Variants in FAM171A1 observed in about 807,000 individuals in gnomAD.
FAM171A1 encodes family with sequence similarity 171 member A1.
A neutral mutation model predicts 74.9 loss-of-function variants in FAM171A1; 23 were observed. The ratio of observed to expected loss-of-function variants is 0.31; its 90% confidence interval spans 0.22 to 0.44. FAM171A1 has a LOEUF of 0.44. Among genes scored for constraint, FAM171A1 ranks in the 20% least tolerant of loss-of-function variants. The pLI, the probability that FAM171A1 is intolerant of heterozygous loss-of-function variation, is 1.00. For synonymous variants in FAM171A1, 527 were observed against 505.7 expected, an observed-to-expected ratio of 1.04 and a Z score of -0.57; for missense variants, 1,162 against 1,159.2, an observed-to-expected ratio of 1.00 and a Z score of -0.03.
At chr10:15,373,643 T>C (rs969901332), upstream of FAM171A1, among the ~76,000 whole-genome samples, 6 of 152,172 alleles carry the variant, frequency 3.9e-5, no homozygotes, top group Non-Finnish European at 7.3e-5. Context: ...ATGTTACAAT[T>C]GGGGGAAGCT....
intron 1 of FAM171A1, among the ~76,000 whole-genome samples, chr10:15,313,191 G>A (rs985855179): frequency 6.6e-6 from 1 of 152,128 alleles, no homozygotes; most frequent in African/African-American, 2.4e-5. Context: ...GAAACACACT[G>A]GGAATTCCTA....
upstream of FAM171A1, among the ~76,000 whole-genome samples, chr10:15,371,480 G>C (rs1320274800): frequency 6.6e-6 from 1 of 151,700 alleles, no homozygotes; most frequent in African/African-American, 2.4e-5. Flanking sequence ...AGCCAGACCT[G>C]CCTTTCAGGG....
intron 5 of FAM171A1, among the ~76,000 whole-genome samples, chr10:15,221,307 C>A (rs1207369306): frequency 2.0e-5 from 3 of 152,174 alleles, no homozygotes; most frequent in African/African-American, 7.2e-5. Flanking sequence ...TACTTTCAGC[C>A]ACTTTATCAA....
chr10:15,264,364 G>A (rs112780902), intron 3 of FAM171A1, among the ~76,000 whole-genome samples: 22 of 152,118 alleles, frequency 1.4e-4, no homozygotes, highest in African/African-American at 4.6e-4. Flanking sequence ...AAAACTGGCC[G>A]GGCATAGTGG....
intron 1 of FAM171A1, among the ~76,000 whole-genome samples, chr10:15,325,345 G>GA (rs1213001992): frequency 6.6e-6 from 1 of 151,940 alleles, no homozygotes; most frequent in African/African-American, 2.4e-5. Context: ...TCGTCTCTAC[G>GA]AAAAATACAA....
intron 3 of FAM171A1, among the ~76,000 whole-genome samples, chr10:15,266,311 A>G (rs1424990328): frequency 2.0e-5 from 3 of 152,150 alleles, no homozygotes; most frequent in Non-Finnish European, 4.4e-5. Context: ...GTTACCCCCA[A>G]GCTGGGTGCC....
chr10:15,294,249 C>T (rs537938964), intron 1 of FAM171A1, among the ~76,000 whole-genome samples: 17 of 152,298 alleles, frequency 1.1e-4, no homozygotes, highest in African/African-American at 4.1e-4. Flanking sequence ...TCTGTGCTAT[C>T]CTGGCATGAT....
chr10:15,333,024 G>A (rs34847509), intron 1 of FAM171A1, among the ~76,000 whole-genome samples: 11,024 of 152,108 alleles, frequency 0.072, 507 homozygotes, highest in Middle Eastern at 0.11. Flanking sequence ...ACCATCACCA[G>A]CCCCATCAAC....
At chr10:15,216,155 C>G (rs369414724) in intron 6 of FAM171A1, 45 bp from the exon 7 acceptor site, 18 of 1,214,286 alleles carry the variant, frequency 1.5e-5, no homozygotes, top group Non-Finnish European at 2.1e-5. Context: ...ACACCTTTAA[C>G]TCAAAAGAGG....
At chr10:15,340,912 T>C (rs1272349440) in intron 1 of FAM171A1, among the ~76,000 whole-genome samples, 1 of 151,954 alleles carries the variant, frequency 6.6e-6, no homozygotes. Flanking sequence ...GGGTGTGAGA[T>C]GGAGGGTGGG....
chr10:15,296,046 T>C (rs557926510), intron 1 of FAM171A1, among the ~76,000 whole-genome samples: 6 of 152,342 alleles, frequency 3.9e-5, no homozygotes, highest in South Asian at 4.1e-4. Context: ...AGCATGTGCA[T>C]TGAATTTCCA....
chr10:15,224,429 C>A (rs774225778), intron 5 of FAM171A1, among the ~76,000 whole-genome samples: 1 of 152,086 alleles, frequency 6.6e-6, no homozygotes, highest in Non-Finnish European at 1.5e-5. Context: ...GACCTGGAAA[C>A]GGAGGCACAC....
At chr10:15,267,175 C>G (rs181187325) in intron 3 of FAM171A1, among the ~76,000 whole-genome samples, 69 of 152,296 alleles carry the variant, frequency 4.5e-4, no homozygotes, top group Non-Finnish European at 7.5e-4. Flanking sequence ...TCAACAGGGC[C>G]TGTGTCAGGG....
intron 1 of FAM171A1, among the ~76,000 whole-genome samples, chr10:15,309,737 T>G (rs963530537): frequency 6.6e-6 from 1 of 152,256 alleles, no homozygotes; most frequent in Non-Finnish European, 1.5e-5. Flanking sequence ...TTCTAAAGAC[T>G]TTCCTCAGGA....
chr10:15,270,564 G>A (rs1206969038), intron 3 of FAM171A1, among the ~76,000 whole-genome samples: 2 of 152,134 alleles, frequency 1.3e-5, no homozygotes, highest in African/African-American at 4.8e-5. Flanking sequence ...ATCTGAGAAC[G>A]GACAGACTGC....
Position 15,214,009 on chromosome 10 carries a change from C to T in FAM171A1, c.1579G>A (p.Glu527Lys). 6.2e-7 allele frequency: 1 copy of T among 1,614,162 alleles called. No homozygotes were observed. ...EHLYPAPSSP[E>K]KEQLLDRRPT... Reference sequence around the variant, plus strand: ...CTGCGGTCCAGCAGCTGTTCTTTCTCAGGTGATGAAGGCGCGGGGTACAGA... The same window carrying T: ...CTGCGGTCCAGCAGCTGTTCTTTCTTAGGTGATGAAGGCGCGGGGTACAGA... Residue 527 changes from glutamate (E) to lysine (K), a missense_variant, in exon 8 of 8, where the codon GAG becomes AAG. By Grantham distance (56) the Glu-to-Lys change is moderately conservative. Transcript: ENST00000378116.
chr10:15,246,141 G>A (rs1481028869), intron 5 of FAM171A1, among the ~76,000 whole-genome samples: 2 of 151,888 alleles, frequency 1.3e-5, no homozygotes, highest in Admixed American at 1.3e-4. Flanking sequence ...CTCGCTTACT[G>A]CAGGATATGT....
upstream of FAM171A1, among the ~76,000 whole-genome samples, chr10:15,373,297 T>TA (rs1836171234): frequency 1.3e-5 from 2 of 152,224 alleles, no homozygotes; most frequent in Non-Finnish European, 2.9e-5. Context: ...AAGCCTAATA[T>TA]ATGGCATCAA....
intron 1 of FAM171A1, among the ~76,000 whole-genome samples, chr10:15,341,122 T>C (rs1462417992): frequency 6.6e-6 from 1 of 152,196 alleles, no homozygotes; most frequent in Non-Finnish European, 1.5e-5. Flanking sequence ...TAGGGTTGGA[T>C]AGAATTTATT....
Sources: gnomAD v4.1 joint callset for allele counts (sites outside exome capture counted in the v4.1 genomes callset) on GRCh38, gnomAD v4.1.1 for gene constraint, MANE v1.5 for transcripts, NCBI Gene and HGNC (gene_info 2026-07-23, HGNC 2026-07-21) for gene names.